FBXO40: variants seen among roughly 807,000 people sequenced by gnomAD.
FBXO40 encodes the protein F-box protein 40.
FBXO40 carries 50 observed loss-of-function variants against 49.9 expected under a neutral mutation model. The ratio of observed to expected loss-of-function variants is 1.00; its 90% CI spans 0.80 to 1.27. The LOEUF is 1.27. Ranked by LOEUF, FBXO40 falls within the 50% of genes most tolerant of loss-of-function variation. The pLI, the probability that FBXO40 is intolerant of heterozygous loss-of-function variation, is 0.00. For missense variants in FBXO40, 895 were observed against 870.1 expected (o/e 1.03, Z -0.36); for synonymous variants, 340 against 320.2 (o/e 1.06, Z -0.66).
intron 1 of FBXO40, among the ~76,000 whole-genome samples, chr3:121,614,985 C>T (rs1311736046): frequency 3.3e-5 from 5 of 152,044 alleles, no homozygotes; most frequent in Admixed American, 2.0e-4. Flanking sequence ...TTCGGGAGGC[C>T]GAGGCTGGTG....
chr3:121,596,493 CA>C (rs1210874961), intron 1 of FBXO40, among the ~76,000 whole-genome samples: 2 of 152,244 alleles, frequency 1.3e-5, no homozygotes, highest in Admixed American at 1.3e-4. Flanking sequence ...TCTCAGGCCT[CA>C]CCCTGGTCCC....
chr3:121,607,776 C>T (rs1324050827), intron 1 of FBXO40, among the ~76,000 whole-genome samples: 1 of 152,112 alleles, frequency 6.6e-6, no homozygotes, highest in Non-Finnish European at 1.5e-5. Context: ...ACAGGTTTAA[C>T]TAGAGGTGGG....
At position 121,612,886 on chromosome 3, in the gene FBXO40, A is replaced by G. The variant is rs544798181; in HGVS notation, c.-30-7660A>G. ...GAATCGAGGCCATCCTGGCTAACAC[A>G]GTGAAACCCCGTCTCTACTAAAAAT... On this transcript the variant is annotated intron_variant, in intron 1 of 3. Transcript: ENST00000338040. Among the ~76,000 whole-genome samples, 1,079 of 152,062 alleles carry G rather than the reference A, an allele frequency of 7.1e-3. 14 individuals carry two copies. The highest frequency in any genetic ancestry group is 0.022 in the African/African-American group (932 of 41,490).
chr3:121,603,891 T>C (rs1329603628), intron 1 of FBXO40, among the ~76,000 whole-genome samples: 3 of 152,128 alleles, frequency 2.0e-5, no homozygotes, highest in Non-Finnish European at 4.4e-5. Flanking sequence ...GCTAATTTTT[T>C]GTATTGTTAG....
rs967883478 is a variant in FBXO40, at chr3:121,622,344, G to A, written c.915G>A (p.Lys305=). The A allele has an allele frequency of 6.2e-7, 1 of 1,614,234 alleles. No homozygotes were observed. The highest frequency in any genetic ancestry group is 8.5e-7 in the Non-Finnish European group (1 of 1,180,052). The change falls in exon 3 of 4, where the codon AAG becomes AAA. Residue 305 remains lysine, a synonymous_variant. Coordinates refer to ENST00000338040, the MANE Select transcript of FBXO40 (RefSeq NM_016298.4). ...LERLKTAVDA[K]DYNMYLVHNG... is the part of the protein sequence containing the mutation. The stretch of plus-strand genomic sequence containing the variant: ...GACTGAAAACAGCTGTGGATGCAAA[G>A]GACTATAACATGTATCTAGTGCACA...
At chr3:121,594,426 C>G (rs1020279034) in intron 1 of FBXO40, among the ~76,000 whole-genome samples, 2 of 152,160 alleles carry the variant, frequency 1.3e-5, no homozygotes, top group Non-Finnish European at 2.9e-5. Flanking sequence ...GTCTTGAACT[C>G]CTGGCCTCAA....
intron 1 of FBXO40, among the ~76,000 whole-genome samples, chr3:121,594,713 C>G (rs1012478362): frequency 6.6e-6 from 1 of 152,048 alleles, no homozygotes; most frequent in Non-Finnish European, 1.5e-5. Flanking sequence ...TAAGTGTGGC[C>G]CTCTTCTCCC....
At chr3:121,625,154 G>A (rs955639661) in intron 3 of FBXO40, among the ~76,000 whole-genome samples, 4 of 152,152 alleles carry the variant, frequency 2.6e-5, no homozygotes, top group Admixed American at 2.6e-4. Context: ...TTCCCCAGTA[G>A]GTCATGTTTG....
At chr3:121,602,348 T>C (rs2108844888) in intron 1 of FBXO40, among the ~76,000 whole-genome samples, 1 of 152,336 alleles carries the variant, frequency 6.6e-6, no homozygotes, top group Admixed American at 6.5e-5. Context: ...ATGAGATCTA[T>C]CATCCTCTCA....
intron 2 of FBXO40, 80 bp from the exon 3 acceptor site, chr3:121,621,353 T>G: frequency 7.7e-7 from 1 of 1,304,004 alleles, no homozygotes; most frequent in African/African-American, 1.5e-5. Flanking sequence ...AATATGTCAA[T>G]TAAAACACAG....
chr3:121,622,231 G>A lies in FBXO40; in HGVS notation c.802G>A (p.Glu268Lys). ...AGGAGAGGGCGCTCCCAAAAAGAAAGAACCACAGGAAAATCAGAAGCAGCA... is the reference window on the plus strand; with the variant it reads ...AGGAGAGGGCGCTCCCAAAAAGAAAAAACCACAGGAAAATCAGAAGCAGCA... ...VEGEGAPKKK[E>K]PQENQKQQDV... The change falls in exon 3 of 4, where the codon GAA becomes AAA. Residue 268 changes from glutamate (E) to lysine (K), a missense_variant. By Grantham distance (56) the Glu-to-Lys change is moderately conservative (BLOSUM62 1). Coordinates refer to ENST00000338040, the MANE Select transcript of FBXO40 (RefSeq NM_016298.4). The A allele has an allele frequency of 1.2e-6, 2 of 1,614,170 alleles. No homozygotes were observed. The highest frequency in any genetic ancestry group is 1.7e-6 in the Non-Finnish European group (2 of 1,180,020).
Position 121,622,183 on chromosome 3 carries a change from T to C in FBXO40, c.754T>C (p.Ser252Pro). The C allele has an allele frequency of 6.2e-7, 1 of 1,613,890 alleles. No individual in the cohort carries two copies. The highest frequency in any genetic ancestry group is 2.2e-5 in the East Asian group (1 of 44,882). Reference sequence around the variant, plus strand: ...GAATGACTCCGAGAAAGAACAGATTTCCAGTGGCCATAACATGGTAGAAGG... The same window carrying C: ...GAATGACTCCGAGAAAGAACAGATTCCCAGTGGCCATAACATGGTAGAAGG... ...NKNDSEKEQI[S>P]SGHNMVEGEG... Residue 252 changes from serine (S) to proline (P), a missense_variant, in exon 3 of 4, where the codon TCC (serine) becomes CCC (proline). Ser to Pro is a moderately conservative substitution (Grantham distance 74). Coordinates refer to ENST00000338040, the MANE Select transcript of FBXO40 (RefSeq NM_016298.4).
At chr3:121,602,606 C>T (rs2048906137) in intron 1 of FBXO40, among the ~76,000 whole-genome samples, 1 of 152,146 alleles carries the variant, frequency 6.6e-6, no homozygotes, top group Admixed American at 6.5e-5. Flanking sequence ...AAGCTTCCAT[C>T]GCATTCTCTA....
chr3:121,630,248 C>T lies in FBXO40; in HGVS notation c.*3338C>T, dbSNP rs1284508542. The T allele has an allele frequency of 6.6e-6, 1 of 152,104 alleles. No individual in the cohort carries two copies. Among genetic ancestry groups the T allele is most frequent in the Non-Finnish European group, 1.5e-5 (1 of 68,016 alleles). The allele number at this position is 152,104 out of a possible 1,614,324, so 9.4% of individuals were successfully genotyped here. ...GTGACTGACCTCTGTATACTAGAAA[C>T]CTCAACATCTCTAGAAGAGGAAATA... On this transcript the variant is annotated 3_prime_UTR_variant, in exon 4 of 4. Transcript: ENST00000338040.
intron 1 of FBXO40, among the ~76,000 whole-genome samples, chr3:121,614,541 C>G (rs1457415025): frequency 6.6e-6 from 1 of 152,134 alleles, no homozygotes; most frequent in Non-Finnish European, 1.5e-5. Flanking sequence ...CGACAGGAGA[C>G]AAGAAGCAGG....
chr3:121,596,296 C>T (rs1308591249), intron 1 of FBXO40, among the ~76,000 whole-genome samples: 3 of 152,146 alleles, frequency 2.0e-5, no homozygotes, highest in Admixed American at 6.5e-5. Flanking sequence ...TTCAATAAAA[C>T]ATCAAAGCAC....
chr3:121,604,433 G>A (rs2048920203), intron 1 of FBXO40, among the ~76,000 whole-genome samples: 1 of 152,134 alleles, frequency 6.6e-6, no homozygotes, highest in Non-Finnish European at 1.5e-5. Flanking sequence ...AAAACATGCA[G>A]CAACAATAAA....
chr3:121,597,658 C>CTTTTTTTTTTTTTT lies in FBXO40; in HGVS notation c.-31+4156_-31+4157insTTTTTTTTTTTTTT, dbSNP rs137900064. 2.3e-5 allele frequency among the ~76,000 whole-genome samples: 3 copies of CTTTTTTTTTTTTTT among 127,820 alleles called. 1 individual carries two copies. Among genetic ancestry groups the CTTTTTTTTTTTTTT allele is most frequent in the Non-Finnish European group, 1.6e-5 (1 of 62,146 alleles). The allele number at this position is 127,820 out of a possible 152,430, so 83.9% of individuals were successfully genotyped here. On this transcript the variant is annotated intron_variant, in intron 1 of 3. Transcript: ENST00000338040. ...CAACCCTATTGGTTATTATAGGCCC[C>CTTTTTTTTTTTTTT]CTTTTTTTTTTTTTTTTTTTTGAGA...
intron 1 of FBXO40, among the ~76,000 whole-genome samples, chr3:121,617,861 G>A (rs1052103075): frequency 6.6e-6 from 1 of 152,020 alleles, no homozygotes; most frequent in Non-Finnish European, 1.5e-5. Flanking sequence ...TTAGCCAGGT[G>A]TGGTAGCGCC....
Sources: allele counts gnomAD v4.1 joint callset (sites outside exome capture counted in the v4.1 genomes callset), GRCh38; gene constraint gnomAD v4.1.1; transcripts MANE v1.5; gene names NCBI Gene and HGNC (gene_info 2026-07-23, HGNC 2026-07-21).